The following DLG2 variants were observed in gnomAD, a reference collection of about 807,000 sequenced individuals.
DLG2 encodes disks large homolog 2.
In DLG2, 45 loss-of-function variants were observed where a neutral mutation model predicts 132.5. That is an observed-to-expected ratio of 0.34 (90% CI 0.27 to 0.44). The LOEUF (loss-of-function observed/expected upper bound fraction) is 0.44, where lower values mean the gene tolerates loss of function less well. Among genes scored for constraint, DLG2 ranks in the 20% least tolerant of loss-of-function variants. The pLI, the probability that DLG2 is intolerant of heterozygous loss-of-function variation, is 1.00. For missense variants in DLG2, 1,045 were observed against 1,196.9 expected (o/e 0.87, Z 1.87); for synonymous variants, 424 against 419.6 (o/e 1.01, Z -0.13).
At chr11:85,480,538 G>A (rs1416571345) in intron 3 of DLG2, among the ~76,000 whole-genome samples, 1 of 152,090 alleles carries the variant, frequency 6.6e-6, no homozygotes, top group East Asian at 1.9e-4. Context: ...CTTAAAATAT[G>A]CAAAATAAAA....
chr11:84,787,158 G>C (rs2073043078), intron 6 of DLG2, among the ~76,000 whole-genome samples: 1 of 152,126 alleles, frequency 6.6e-6, no homozygotes, highest in Non-Finnish European at 1.5e-5. Flanking sequence ...CCCAGGAGTA[G>C]AGCCATGTCC....
intron 3 of DLG2, among the ~76,000 whole-genome samples, chr11:85,493,873 G>C (rs2093616054): frequency 1.3e-5 from 2 of 151,982 alleles, no homozygotes; most frequent in South Asian, 4.1e-4. Context: ...GAAAGAAAAA[G>C]AAAAAGAAAT....
intron 11 of DLG2, among the ~76,000 whole-genome samples, chr11:84,004,488 T>G (rs867134654): frequency 3.9e-5 from 6 of 152,074 alleles, no homozygotes; most frequent in African/African-American, 7.2e-5. Flanking sequence ...TCATACTGAA[T>G]GGAGAAAAGT....
intron 3 of DLG2, among the ~76,000 whole-genome samples, chr11:85,330,893 C>T (rs893586527): frequency 2.6e-5 from 4 of 151,596 alleles, no homozygotes; most frequent in African/African-American, 7.3e-5. Context: ...CTTACTTCCA[C>T]CTGGTGGTTT....
intron 12 of DLG2, among the ~76,000 whole-genome samples, chr11:83,976,851 C>T (rs2092295427): frequency 6.6e-6 from 1 of 151,784 alleles, no homozygotes; most frequent in Admixed American, 6.6e-5. Context: ...ACACACTAGA[C>T]ATATATGAAC....
intron 6 of DLG2, among the ~76,000 whole-genome samples, chr11:84,800,199 G>A (rs1251012303): frequency 6.6e-6 from 1 of 152,140 alleles, no homozygotes; most frequent in Admixed American, 6.5e-5. Flanking sequence ...AATTTTAGAA[G>A]AGAACACAGC....
At chr11:84,635,723 G>A (rs1199963257) in intron 6 of DLG2, among the ~76,000 whole-genome samples, 1 of 151,952 alleles carries the variant, frequency 6.6e-6, no homozygotes, top group Non-Finnish European at 1.5e-5. Context: ...CAAGGACTCT[G>A]TCATCTTCCT....
At chr11:85,286,210 T>C in intron 3 of DLG2, 1 of 366,754 alleles carries the variant, frequency 2.7e-6, no homozygotes, top group Non-Finnish European at 5.2e-6. Flanking sequence ...TGAACAATTC[T>C]GAAAACACAA....
chr11:85,212,255 G>T (rs780245620), intron 4 of DLG2, among the ~76,000 whole-genome samples: 3 of 151,980 alleles, frequency 2.0e-5, no homozygotes, highest in South Asian at 2.1e-4. Context: ...TTGACACCCC[G>T]AATCGAGATT....
chr11:85,065,224 T>C (rs2064728855), intron 6 of DLG2, among the ~76,000 whole-genome samples: 1 of 151,684 alleles, frequency 6.6e-6, no homozygotes, highest in African/African-American at 2.4e-5. Context: ...TTATTAGAAA[T>C]ATTGCTTCTA....
intron 19 of DLG2, among the ~76,000 whole-genome samples, chr11:83,582,448 A>G (rs1282061926): frequency 2.0e-5 from 3 of 152,234 alleles, no homozygotes. Context: ...CTGAATGCTG[A>G]TCATGTCCCA....
chr11:84,855,549 T>C (rs2082672094), intron 6 of DLG2, among the ~76,000 whole-genome samples: 1 of 152,030 alleles, frequency 6.6e-6, no homozygotes, highest in Non-Finnish European at 1.5e-5. Flanking sequence ...CTTGTTTGGG[T>C]CATAAAAACA....
chr11:84,300,084 ACTTAT>A (rs1317710134), intron 7 of DLG2, among the ~76,000 whole-genome samples: 1 of 152,266 alleles, frequency 6.6e-6, no homozygotes, highest in East Asian at 1.9e-4. Flanking sequence ...GTAGACTCAA[ACTTAT>A]CTTTAAATGT....
chr11:83,947,409 G>C (rs772347992), intron 14 of DLG2, among the ~76,000 whole-genome samples: 3 of 152,128 alleles, frequency 2.0e-5, no homozygotes, highest in Non-Finnish European at 4.4e-5. Context: ...TCAATATAAA[G>C]TCACAAAATC....
chr11:85,342,032 G>C (rs1191346305), intron 3 of DLG2, among the ~76,000 whole-genome samples: 4 of 152,192 alleles, frequency 2.6e-5, no homozygotes, highest in Non-Finnish European at 4.4e-5. Flanking sequence ...TGAGTGAGTG[G>C]TGAGTGCATG....
At chr11:84,750,601 T>A (rs1258452478) in intron 6 of DLG2, among the ~76,000 whole-genome samples, 1 of 152,178 alleles carries the variant, frequency 6.6e-6, no homozygotes, top group Non-Finnish European at 1.5e-5. Flanking sequence ...AATTATACTC[T>A]TATGTTCATG....
At chr11:85,007,655 A>G (rs1340983558) in intron 6 of DLG2, among the ~76,000 whole-genome samples, 1 of 126,380 alleles carries the variant, frequency 7.9e-6, no homozygotes, top group African/African-American at 3.1e-5. Context: ...ACAGAGCAAG[A>G]CTCCGTCTCA....
At chr11:84,437,773 G>C (rs961503913) in intron 7 of DLG2, 12 of 152,264 alleles carry the variant, frequency 7.9e-5, no homozygotes, top group African/African-American at 2.7e-4. Flanking sequence ...GCAGTTCTTC[G>C]GCACCGGCAC....
At chr11:85,280,793 A>T (rs1446039597) in intron 4 of DLG2, among the ~76,000 whole-genome samples, 1 of 152,102 alleles carries the variant, frequency 6.6e-6, no homozygotes, top group African/African-American at 2.4e-5. Flanking sequence ...TGAATTACTT[A>T]TAGTTCAGCA....
Sources: allele counts gnomAD v4.1 joint callset (sites outside exome capture counted in the v4.1 genomes callset), GRCh38; gene constraint gnomAD v4.1.1; transcripts MANE v1.5; gene names NCBI Gene and HGNC (gene_info 2026-07-23, HGNC 2026-07-21).